The following LCP1 variants were observed in gnomAD, a reference collection of about 807,000 sequenced individuals.
LCP1 encodes the protein lymphocyte cytosolic protein 1.
Under a neutral mutation model 72.0 loss-of-function variants are expected in LCP1, and 23 were observed. That is an observed-to-expected ratio of 0.32 (90% CI 0.23 to 0.45). The LOEUF (loss-of-function observed/expected upper bound fraction) is 0.45. LCP1 is among the 20% of genes least tolerant of loss of function. LCP1 has a pLI of 1.00. For missense variants in LCP1, 571 were observed against 748.3 expected (o/e 0.76, Z 2.76); for synonymous variants, 245 against 275.4 (o/e 0.89, Z 1.09).
chr13:46,143,842 G>A (rs1462686860), intron 11 of LCP1, among the ~76,000 whole-genome samples: 1 of 152,192 alleles, frequency 6.6e-6, no homozygotes. Flanking sequence ...CAAGGCGGGT[G>A]GATCATGAGG....
At chr13:46,159,713 A>G (rs986880353) in intron 1 of LCP1, 27 bp from the exon 2 acceptor site, 4 of 1,379,420 alleles carry the variant, frequency 2.9e-6, no homozygotes, top group Non-Finnish European at 4.1e-6. Flanking sequence ...CATAAGGGAT[A>G]ACTTTTGTGC....
At chr13:46,146,354 C>A (rs116686261) in intron 10 of LCP1, among the ~76,000 whole-genome samples, 26 of 152,300 alleles carry the variant, frequency 1.7e-4, no homozygotes, top group African/African-American at 6.0e-4. Context: ...AAGTAAACAT[C>A]TCCAGCACCT....
intron 1 of LCP1, 36 bp from the exon 2 acceptor site, chr13:46,159,722 G>T: frequency 7.8e-7 from 1 of 1,283,000 alleles, no homozygotes; most frequent in Non-Finnish European, 1.1e-6. Context: ...TAACTTTTGT[G>T]CATTTGAATT....
At chr13:46,162,155 C>T (rs537090874) in intron 1 of LCP1, among the ~76,000 whole-genome samples, 3 of 152,180 alleles carry the variant, frequency 2.0e-5, no homozygotes, top group East Asian at 3.9e-4. Context: ...TTTCTCCTCT[C>T]CCAGGCTGTC....
rs1242886763 is a variant in LCP1 at position 46,156,504 on chromosome 13, T to C, written c.425A>G (p.His142Arg). The C allele has an allele frequency of 1.2e-6, 2 of 1,614,218 alleles. No individual in the cohort carries two copies. The highest frequency in any genetic ancestry group is 1.7e-6 in the Non-Finnish European group (2 of 1,180,026). ...KALENDPDCR[H>R]VIPMNPNTND... is the part of the protein sequence containing the mutation. ...CGTGTTTGGGTTCATTGGGATGACA[T>C]GCCGACAATCAGGATCATTTTCCAG... Residue 142 changes from histidine (H) to arginine (R), a missense_variant, in exon 5 of 16, where the codon CAT becomes CGT. Physicochemically the swap from His to Arg is conservative, Grantham distance 29 (BLOSUM62 0). Coordinates refer to ENST00000323076, the MANE Select transcript of LCP1 (RefSeq NM_002298.5).
At chr13:46,138,810 C>A (rs781390755) in intron 13 of LCP1, among the ~76,000 whole-genome samples, 17 of 152,066 alleles carry the variant, frequency 1.1e-4, no homozygotes, top group Non-Finnish European at 2.2e-4. Flanking sequence ...GCATACCTGG[C>A]TAATTTTTGT....
chr13:46,138,181 G>T (rs184805400), intron 13 of LCP1, among the ~76,000 whole-genome samples: 10 of 152,318 alleles, frequency 6.6e-5, no homozygotes, highest in African/African-American at 2.4e-4. Flanking sequence ...TACTGAAGGG[G>T]ATAGGGAAGT....
Position 46,147,075 on chromosome 13 carries a change from C to T in LCP1, c.1007G>A (p.Cys336Tyr). The T allele has an allele frequency of 6.2e-7, 1 of 1,605,256 alleles. No individual in the cohort carries two copies. The change falls in exon 10 of 16, where the codon TGC becomes TAC. Residue 336 changes from cysteine to tyrosine, a missense_variant. Coordinates refer to ENST00000323076, the MANE Select transcript of LCP1 (RefSeq NM_002298.5). The part of the protein sequence containing the change: ...REKDDIQRAE[C>Y]MLQQAERLGC... The stretch of plus-strand genomic sequence containing the variant: ...CAGCCTCTCCGCCTGCTGCAGCATG[C>T]ATTCTGCCCTCTGGATGTCATCCTT...
chr13:46,162,231 AC>A (rs1566443385), intron 1 of LCP1, among the ~76,000 whole-genome samples: 1 of 145,596 alleles, frequency 6.9e-6, no homozygotes, highest in Non-Finnish European at 1.5e-5. Context: ...TATTCACTAA[AC>A]AATGAGTTCT....
At chr13:46,140,915 T>C (rs772884333) in intron 13 of LCP1, among the ~76,000 whole-genome samples, 6 of 152,066 alleles carry the variant, frequency 3.9e-5, no homozygotes, top group Admixed American at 3.3e-4. Context: ...AAATGAAACA[T>C]AGAGAAAATA....
At chr13:46,162,891 G>A (rs1444243259) in intron 1 of LCP1, among the ~76,000 whole-genome samples, 12 of 150,280 alleles carry the variant, frequency 8.0e-5, no homozygotes, top group Non-Finnish European at 1.5e-4. Flanking sequence ...TGAGAAGTGA[G>A]GAGCCCCTCC....
At chr13:46,159,471 TC>T in intron 2 of LCP1, 127 bp downstream of exon 2, 1 of 733,912 alleles carries the variant, frequency 1.4e-6, no homozygotes. Context: ...TCCCAGCTCC[TC>T]TAAACAAATA....
intron 8 of LCP1, among the ~76,000 whole-genome samples, chr13:46,149,705 A>G (rs1052717451): frequency 5.3e-5 from 8 of 152,230 alleles, no homozygotes; most frequent in Non-Finnish European, 1.0e-4. Context: ...GCCAGCTCCT[A>G]TCTCATACAG....
intron 10 of LCP1, 126 bp from the exon 11 acceptor site, chr13:46,144,646 T>A (rs1290462695): frequency 1.5e-6 from 1 of 682,310 alleles, no homozygotes; most frequent in African/African-American, 1.8e-5. Context: ...TAAAATAAAC[T>A]GTATTGGATT....
intron 1 of LCP1, among the ~76,000 whole-genome samples, chr13:46,181,080 C>G (rs2045953467): frequency 6.6e-6 from 1 of 152,210 alleles, no homozygotes; most frequent in Admixed American, 6.5e-5. Flanking sequence ...TATGTAAATT[C>G]AAAATCAAGA....
intron 13 of LCP1, among the ~76,000 whole-genome samples, chr13:46,134,698 A>G (rs1712442447): frequency 6.6e-6 from 1 of 152,214 alleles, no homozygotes; most frequent in Admixed American, 6.5e-5. Flanking sequence ...ATATGCTGAC[A>G]AAGATAATCT....
Position 46,127,532 on chromosome 13 carries a change from G to T in LCP1, c.*59C>A. 6.2e-7 allele frequency: 1 copy of T among 1,601,590 alleles called. No homozygotes were observed. On this transcript the variant is annotated 3_prime_UTR_variant, in exon 16 of 16. Coordinates refer to ENST00000323076, the MANE Select transcript of LCP1 (RefSeq NM_002298.5). ...TGGAATGGCTTGAATCATCCCTGGA[G>T]CATCTGTGCCGGGCAGTCAGGAGTG...
chr13:46,173,838 C>A (rs771863783), intron 1 of LCP1, among the ~76,000 whole-genome samples: 14 of 152,146 alleles, frequency 9.2e-5, no homozygotes, highest in Non-Finnish European at 1.6e-4. Context: ...TGGAAAGTAC[C>A]TTCTAACAGT....
At chr13:46,147,134 G>A (rs1566438065) in intron 9 of LCP1, 31 bp from the exon 10 acceptor site, 1 of 1,526,224 alleles carries the variant, frequency 6.6e-7, no homozygotes, top group Non-Finnish European at 8.8e-7. Context: ...TCAGGGCTGG[G>A]TCAAGGCTCT....
Sources: gnomAD v4.1 joint callset for allele counts (sites outside exome capture counted in the v4.1 genomes callset) on GRCh38, gnomAD v4.1.1 for gene constraint, MANE v1.5 for transcripts, NCBI Gene and HGNC (gene_info 2026-07-23, HGNC 2026-07-21) for gene names.